Variants in CLEC16A observed in about 807,000 individuals in gnomAD.
The protein encoded by CLEC16A is C-type lectin domain containing 16A, also known as protein CLEC16A.
CLEC16A carries 51 observed loss-of-function variants against 109.5 expected under a neutral mutation model. That is an observed-to-expected ratio of 0.47 (90% confidence interval 0.37 to 0.59). The LOEUF is 0.59. Ranked by LOEUF, CLEC16A falls within the 20% of genes least tolerant of loss-of-function variation. The probability of loss-of-function intolerance (pLI) is 0.00; values close to 1 mark genes in which losing one functional copy is unlikely to be tolerated. For synonymous variants in CLEC16A, 673 were observed against 564.2 expected, an observed-to-expected ratio of 1.19 and a Z score of -2.73; for missense variants, 1,339 against 1,394.0, an observed-to-expected ratio of 0.96 and a Z score of 0.63.
At chr16:11,136,124 C>T (rs1183229553) in intron 22 of CLEC16A, 1 of 152,266 alleles carries the variant, frequency 6.6e-6, no homozygotes, top group Non-Finnish European at 1.5e-5. Flanking sequence ...CAGCACAAGC[C>T]AAAGAGTATG....
In CLEC16A at chr16:11,160,745, G is replaced by A. The variant is rs536554923; in HGVS notation, c.2642-5643G>A. ...TTAATTTCCCTCTCGGGTAAAAGAA[G>A]CCTTGTAGTCAAGAGATACACAAAG... On this transcript the variant is annotated intron_variant, in intron 22 of 23. Transcript: ENST00000409790. Among the ~76,000 whole-genome samples the A allele has an allele frequency of 2.4e-4, 36 of 152,340 alleles. 1 individual carries two copies. The highest frequency in any genetic ancestry group is 8.2e-4 in the African/African-American group (34 of 41,574).
At chr16:10,962,990 G>A (rs1021754470) in intron 3 of CLEC16A, among the ~76,000 whole-genome samples, 1 of 152,072 alleles carries the variant, frequency 6.6e-6, no homozygotes, top group Non-Finnish European at 1.5e-5. Flanking sequence ...CAAGGAAGTC[G>A]AGGTTGCAGT....
chr16:11,114,279 A>T (rs1437499936), intron 19 of CLEC16A, among the ~76,000 whole-genome samples: 1 of 152,016 alleles, frequency 6.6e-6, no homozygotes. Flanking sequence ...CTCTTAAATC[A>T]TAGGGATAAT....
rs373269634 is a variant in CLEC16A, at chr16:11,078,989, C to T, written c.2116+17967C>T. On this transcript the variant is annotated intron_variant, in intron 19 of 23. Transcript: ENST00000409790. ...CTTGAAGACAAATCACTTGCCCTCT[C>T]GAGCCTTGGGCACCTGTCTTGAGAG... Among the ~76,000 whole-genome samples the T allele has an allele frequency of 5.3e-5, 8 of 152,226 alleles. No homozygotes were observed. The East Asian group carries it at 1.5e-3, about 29-fold the overall frequency.
At chr16:11,176,034 T>G (rs933761881) in intron 23 of CLEC16A, among the ~76,000 whole-genome samples, 2 of 152,240 alleles carry the variant, frequency 1.3e-5, no homozygotes, top group African/African-American at 4.8e-5. Flanking sequence ...GCAGCAAAAT[T>G]TATGTGTGGA....
chr16:11,031,779 G>A (rs1223695878), intron 13 of CLEC16A, among the ~76,000 whole-genome samples: 2 of 152,138 alleles, frequency 1.3e-5, no homozygotes, highest in Non-Finnish European at 2.9e-5. Context: ...AATAAAACTA[G>A]GTAATGCGGT....
chr16:11,177,595 G>A (rs528605017), intron 23 of CLEC16A, among the ~76,000 whole-genome samples: 12 of 146,202 alleles, frequency 8.2e-5, no homozygotes, highest in Non-Finnish European at 1.3e-4. Flanking sequence ...GTGAGACTCC[G>A]CCAAAAGAAA....
intron 19 of CLEC16A, chr16:11,066,881 C>T (rs1333605985): frequency 6.6e-6 from 1 of 152,058 alleles, no homozygotes; most frequent in African/African-American, 2.4e-5. Context: ...CAGTAGGTCC[C>T]AGCCCTTAGG....
intron 19 of CLEC16A, among the ~76,000 whole-genome samples, chr16:11,087,311 G>A (rs911945694): frequency 2.7e-5 from 4 of 148,398 alleles, no homozygotes; most frequent in African/African-American, 7.4e-5. Flanking sequence ...ACCTGGACCC[G>A]GTCCCAAGAG....
chr16:10,956,872 C>T (rs1220919994), intron 1 of CLEC16A, among the ~76,000 whole-genome samples: 1 of 151,852 alleles, frequency 6.6e-6, no homozygotes, highest in African/African-American at 2.4e-5. Flanking sequence ...TCTCGGCTCA[C>T]TGCAACCTCC....
chr16:11,175,869 T>C (rs1177033652), intron 23 of CLEC16A, among the ~76,000 whole-genome samples: 2 of 152,248 alleles, frequency 1.3e-5, no homozygotes, highest in Non-Finnish European at 2.9e-5. Flanking sequence ...GGCCAGCTTC[T>C]TTGAATATCT....
intron 22 of CLEC16A, among the ~76,000 whole-genome samples, chr16:11,146,363 A>G (rs2054056676): frequency 1.3e-5 from 2 of 152,222 alleles, no homozygotes; most frequent in Admixed American, 6.5e-5. Context: ...CCTGGGCTAT[A>G]CCAGACATAT....
At chr16:11,167,707 C>G (rs2068329398) in intron 23 of CLEC16A, among the ~76,000 whole-genome samples, 1 of 152,178 alleles carries the variant, frequency 6.6e-6, no homozygotes, top group South Asian at 2.1e-4. Flanking sequence ...GCAGGAAAGT[C>G]ACCCCACAGC....
intron 10 of CLEC16A, among the ~76,000 whole-genome samples, chr16:10,994,129 A>C (rs1273670587): frequency 2.0e-5 from 3 of 152,204 alleles, no homozygotes; most frequent in African/African-American, 7.2e-5. Context: ...CTGCAGCTGC[A>C]ACACTTGATA....
At chr16:11,059,975 C>A (rs1282892394) in intron 18 of CLEC16A, among the ~76,000 whole-genome samples, 1 of 152,220 alleles carries the variant, frequency 6.6e-6, no homozygotes, top group Non-Finnish European at 1.5e-5. Flanking sequence ...GAGAGGCCTG[C>A]AGGTGGCCTT....
intron 19 of CLEC16A, among the ~76,000 whole-genome samples, chr16:11,087,204 TC>T (rs1423887662): frequency 6.6e-6 from 1 of 151,480 alleles, no homozygotes; most frequent in African/African-American, 2.4e-5. Context: ...TAGGTCCCTG[TC>T]CCCACCCCCA....
intron 4 of CLEC16A, among the ~76,000 whole-genome samples, chr16:10,970,459 T>C (rs2042726132): frequency 6.6e-6 from 1 of 152,232 alleles, no homozygotes; most frequent in African/African-American, 2.4e-5. Flanking sequence ...ATTATCCCCA[T>C]GTTATAGATG....
intron 19 of CLEC16A, among the ~76,000 whole-genome samples, chr16:11,116,390 CTAAAAG>C (rs1417122921): frequency 5.5e-5 from 8 of 144,536 alleles, no homozygotes; most frequent in Admixed American, 1.4e-4. Flanking sequence ...GCAAGACTGT[CTAAAAG>C]AAAAAGAAAA....
At chr16:10,992,677 A>G (rs551663191) in intron 10 of CLEC16A, among the ~76,000 whole-genome samples, 13 of 152,172 alleles carry the variant, frequency 8.5e-5, no homozygotes, top group East Asian at 1.9e-4. Context: ...GCTGGCTGCC[A>G]TACTTACCCT....
Sources: gnomAD v4.1 joint callset for allele counts (sites outside exome capture counted in the v4.1 genomes callset) on GRCh38, gnomAD v4.1.1 for gene constraint, MANE v1.5 for transcripts, NCBI Gene and HGNC (gene_info 2026-07-23, HGNC 2026-07-21) for gene names.